The following GAB2 variants were observed in gnomAD, a reference collection of about 807,000 sequenced individuals.
GAB2 encodes the protein GRB2-associated-binding protein 2.
Under a neutral mutation model 65.5 loss-of-function variants are expected in GAB2, and 26 were observed. The observed-to-expected ratio is 0.40, with a 90% CI of 0.29 to 0.55. GAB2 has a LOEUF of 0.55. Ranked by LOEUF, GAB2 falls within the 20% of genes least tolerant of loss-of-function variation. The pLI is 0.53. For missense variants in GAB2, 884 were observed against 875.8 expected, an observed-to-expected ratio of 1.01 and a Z score of -0.12; for synonymous variants, 321 against 329.6, an observed-to-expected ratio of 0.97 and a Z score of 0.28.
Position 78,407,650 on chromosome 11 carries a change from AAAGAAAGT to A in GAB2, c.75+9988_75+9995del, listed in dbSNP as rs1260196231. 1.1e-3 allele frequency among the ~76,000 whole-genome samples: 133 copies of A among 123,152 alleles called. 1 individual carries two copies. The highest frequency in any genetic ancestry group is 8.5e-3 in the South Asian group (27 of 3,180). The allele number at this position is 123,152 out of a possible 152,430, so 80.8% of individuals were successfully genotyped here. A position where few individuals can be genotyped will look rare whatever the true frequency, so the allele number is the denominator to read the frequency against. On this transcript the variant is annotated intron_variant, in intron 1 of 9. Coordinates refer to ENST00000361507, the MANE Select transcript of GAB2 (RefSeq NM_080491.3). Reference sequence around the variant, plus strand: ...CTCCTTCTCAAAGAAAGAAAGAAAGAAAGAAAGTAAGAAAGAAAGAAAGAAAGAAAGAA... The same window carrying A: ...CTCCTTCTCAAAGAAAGAAAGAAAGAAAGAAAGAAAGAAAGAAAGAAAGAA...
chr11:78,233,357 C>A (rs915472297), intron 3 of GAB2, among the ~76,000 whole-genome samples: 3 of 152,110 alleles, frequency 2.0e-5, no homozygotes, highest in Admixed American at 1.3e-4. Context: ...TTATTTTAGC[C>A]CTTCCAGCAG....
chr11:78,393,518 AAAG>A (rs1449138317), intron 1 of GAB2, among the ~76,000 whole-genome samples: 2 of 152,364 alleles, frequency 1.3e-5, no homozygotes, highest in East Asian at 3.9e-4. Flanking sequence ...GTCTAATATC[AAAG>A]AAGAATCAGG....
chr11:78,284,839 T>C (rs1463222517), intron 1 of GAB2, among the ~76,000 whole-genome samples: 1 of 152,120 alleles, frequency 6.6e-6, no homozygotes, highest in Non-Finnish European at 1.5e-5. Context: ...TGATGCATCC[T>C]TGGTGTTTAG....
chr11:78,248,269 C>G (rs1865351271), intron 3 of GAB2, among the ~76,000 whole-genome samples: 1 of 152,074 alleles, frequency 6.6e-6, no homozygotes, highest in Non-Finnish European at 1.5e-5. Flanking sequence ...AAGGCTAATT[C>G]AAGCAGAGAT....
chr11:78,354,918 T>G (rs150451781), intron 1 of GAB2, among the ~76,000 whole-genome samples: 180 of 152,302 alleles, frequency 1.2e-3, no homozygotes, highest in African/African-American at 3.4e-3. Flanking sequence ...ACACATGCGG[T>G]GCAAGTGAAA....
rs368834317 is a variant in GAB2, at chr11:78,280,870, C to T, written c.107G>A (p.Ser36Asn). The change falls in exon 2 of 10, where the codon AGT becomes AAT. Residue 36 changes from serine to asparagine, a missense_variant. Ser to Asn is a conservative substitution (Grantham distance 46, BLOSUM62 1). Coordinates refer to ENST00000361507, the MANE Select transcript of GAB2 (RefSeq NM_080491.3). ...ATCTGGGTCACCGCTCATCCGGCCA[C>T]TCCGCAGGATAAACCAGCGTTTCTT... Reference protein sequence around the residue: ...AWKKRWFILRSGRMSGDPDVL... With the variant: ...AWKKRWFILRNGRMSGDPDVL... The T allele has an allele frequency of 6.2e-7, 1 of 1,614,120 alleles. No individual in the cohort carries two copies. Among genetic ancestry groups the T allele is most frequent in the Non-Finnish European group, 8.5e-7 (1 of 1,179,958 alleles).
At chr11:78,291,321 C>A (rs950696109) in intron 1 of GAB2, among the ~76,000 whole-genome samples, 3 of 145,446 alleles carry the variant, frequency 2.1e-5, no homozygotes, top group African/African-American at 7.8e-5. Flanking sequence ...AAAAAATTAG[C>A]CAGGCGTGGT....
chr11:78,277,714 C>A (rs1866214202), intron 2 of GAB2, among the ~76,000 whole-genome samples: 1 of 152,224 alleles, frequency 6.6e-6, no homozygotes, highest in African/African-American at 2.4e-5. Flanking sequence ...GCAGATAGCC[C>A]TCTCCAAGGG....
chr11:78,404,245 A>G (rs1388223700), intron 1 of GAB2, among the ~76,000 whole-genome samples: 2 of 152,236 alleles, frequency 1.3e-5, no homozygotes, highest in South Asian at 2.1e-4. Flanking sequence ...CATATACACA[A>G]TGGAATATTA....
At chr11:78,230,003 A>G (rs1307523206) in intron 3 of GAB2, among the ~76,000 whole-genome samples, 1 of 152,176 alleles carries the variant, frequency 6.6e-6, no homozygotes, top group Non-Finnish European at 1.5e-5. Context: ...AGTGTTACCT[A>G]TATTAGGCAC....
chr11:78,234,188 TCCTC>T (rs1864926426), intron 3 of GAB2, among the ~76,000 whole-genome samples: 1 of 152,148 alleles, frequency 6.6e-6, no homozygotes, highest in African/African-American at 2.4e-5. Context: ...GCTCAAGTGA[TCCTC>T]CCACCACAGC....
intron 2 of GAB2, among the ~76,000 whole-genome samples, chr11:78,272,828 T>C (rs1317073051): frequency 2.0e-5 from 3 of 152,104 alleles, no homozygotes; most frequent in Admixed American, 2.0e-4. Flanking sequence ...AAAAATGGTT[T>C]TGTGGGCCGG....
At chr11:78,239,359 T>A (rs1226740935) in intron 3 of GAB2, among the ~76,000 whole-genome samples, 3 of 152,150 alleles carry the variant, frequency 2.0e-5, no homozygotes, top group Admixed American at 6.5e-5. Flanking sequence ...TAGCTGGGAT[T>A]ACAGGCGCAT....
chr11:78,270,225 G>A (rs1865975598), intron 2 of GAB2, among the ~76,000 whole-genome samples: 1 of 152,064 alleles, frequency 6.6e-6, no homozygotes, highest in African/African-American at 2.4e-5. Flanking sequence ...TACTCAGGAG[G>A]CCGAGGCAGG....
At chr11:78,325,412 G>A (rs1363730398) in intron 1 of GAB2, among the ~76,000 whole-genome samples, 1 of 152,190 alleles carries the variant, frequency 6.6e-6, no homozygotes, top group Non-Finnish European at 1.5e-5. Flanking sequence ...TAGTGGCAGA[G>A]CTGAGACTAG....
intron 2 of GAB2, among the ~76,000 whole-genome samples, chr11:78,279,655 C>G (rs1866276948): frequency 6.6e-6 from 1 of 152,242 alleles, no homozygotes; most frequent in South Asian, 2.1e-4. Context: ...TACTTTCTGT[C>G]TCTGTGGATT....
At chr11:78,264,059 A>C (rs1565132373) in intron 2 of GAB2, among the ~76,000 whole-genome samples, 1 of 152,182 alleles carries the variant, frequency 6.6e-6, no homozygotes, top group Non-Finnish European at 1.5e-5. Flanking sequence ...GTAACTGAAA[A>C]AGGTCTGAAT....
At chr11:78,367,643 C>G (rs1856513749) in intron 1 of GAB2, among the ~76,000 whole-genome samples, 1 of 152,082 alleles carries the variant, frequency 6.6e-6, no homozygotes, top group African/African-American at 2.4e-5. Flanking sequence ...TGTCTTAGAA[C>G]ATGTATCATG....
chr11:78,383,744 C>T (rs1201864306), intron 1 of GAB2, among the ~76,000 whole-genome samples: 1 of 151,982 alleles, frequency 6.6e-6, no homozygotes, highest in Admixed American at 6.6e-5. Flanking sequence ...GGCAACAGAG[C>T]CAGACCGTGT....
Sources: gnomAD v4.1 joint callset for allele counts (sites outside exome capture counted in the v4.1 genomes callset) on GRCh38, gnomAD v4.1.1 for gene constraint, MANE v1.5 for transcripts, NCBI Gene and HGNC (gene_info 2026-07-23, HGNC 2026-07-21) for gene names.